SS18L1: variants seen among roughly 807,000 people sequenced by gnomAD.
The protein encoded by SS18L1 is calcium-responsive transactivator.
SS18L1 carries 32 observed loss-of-function variants against 70.3 expected under a neutral mutation model. The ratio of observed to expected loss-of-function variants is 0.46; its 90% confidence interval spans 0.34 to 0.61. SS18L1 has a LOEUF of 0.61. Among genes scored for constraint, SS18L1 ranks in the 20% least tolerant of loss-of-function variants. SS18L1 has a pLI of 0.01. For missense variants in SS18L1, 430 were observed against 542.1 expected (o/e 0.79, Z 2.05); for synonymous variants, 237 against 229.7 (o/e 1.03, Z -0.29).
intron 1 of SS18L1, among the ~76,000 whole-genome samples, chr20:62,157,624 A>G (rs1198622743): frequency 6.6e-6 from 1 of 152,112 alleles, no homozygotes; most frequent in East Asian, 1.9e-4. Context: ...CTGGCTGTTC[A>G]CCTGAGTCAC....
At chr20:62,157,369 A>G (rs1027432883) in intron 1 of SS18L1, among the ~76,000 whole-genome samples, 3 of 152,168 alleles carry the variant, frequency 2.0e-5, no homozygotes, top group African/African-American at 7.2e-5. Context: ...TGGGAAGGAA[A>G]CCTGGGGAAT....
In SS18L1 at chr20:62,159,962, G is replaced by A. The variant is rs1393458958; in HGVS notation, c.231+1G>A. 3 of 1,610,682 alleles carry A rather than the reference G, an allele frequency of 1.9e-6. No individual in the cohort carries two copies. The highest frequency in any genetic ancestry group is 2.5e-6 in the Non-Finnish European group (3 of 1,179,352). On this transcript the variant is annotated splice_donor_variant, in intron 3 of 10. Transcript: ENST00000331758. LOFTEE classifies it high-confidence loss of function. The surrounding 1 kb of genome is among the most constrained non-coding windows in gnomAD (Gnocchi z 4.4). ...GAACATGCAGTCCCTGCTTCCTGCC[G>A]TGAGTACCCACGGGGGGTTGGCCTC...
At chr20:62,143,958 G>T in intron 1 of SS18L1, 69 bp downstream of exon 1, 1 of 936,362 alleles carries the variant, frequency 1.1e-6, no homozygotes, top group South Asian at 4.7e-5. Context: ...GACGGGGCGC[G>T]GGCAGCTGGC....
chr20:62,153,976 C>G (rs1390488288), intron 1 of SS18L1, among the ~76,000 whole-genome samples: 1 of 152,238 alleles, frequency 6.6e-6, no homozygotes, highest in African/African-American at 2.4e-5. Context: ...CTCCCCTCTT[C>G]TGTCCTGTGG....
intron 8 of SS18L1, among the ~76,000 whole-genome samples, chr20:62,170,869 C>T (rs67625704): frequency 0.14 from 20,816 of 152,024 alleles, 1,751 homozygotes; most frequent in South Asian, 0.24. Context: ...AAAGCTGGCC[C>T]GTTTCCTACA....
In SS18L1 at chr20:62,158,829, C is replaced by T; in HGVS notation, c.146+81C>T. On this transcript the variant is annotated intron_variant, in intron 2 of 10. Transcript: ENST00000331758. The surrounding 1 kb of genome is among the most constrained non-coding windows in gnomAD (Gnocchi z 4.5). ...CAGAGGCCAGATACGTCCCAAGAGT[C>T]CCCCAGCACAGAGATCAGATAAGTC... The T allele has an allele frequency of 3.1e-6, 5 of 1,611,196 alleles. No homozygotes were observed. Among genetic ancestry groups the T allele is most frequent in the Non-Finnish European group, 4.2e-6 (5 of 1,179,090 alleles).
intron 10 of SS18L1, among the ~76,000 whole-genome samples, chr20:62,176,800 AAAG>A (rs781651686): frequency 2.0e-5 from 3 of 152,058 alleles, no homozygotes; most frequent in Non-Finnish European, 2.9e-5. Context: ...ATCTCAAAAA[AAAG>A]AAAAAGACAC....
At chr20:62,144,348 C>T (rs181251419) in intron 1 of SS18L1, among the ~76,000 whole-genome samples, 2 of 152,340 alleles carry the variant, frequency 1.3e-5, no homozygotes. Flanking sequence ...GTTTTCTGCG[C>T]TCATTTTGGT....
In SS18L1 at chr20:62,144,832, G is replaced by T. The variant is rs180846651; in HGVS notation, c.69+943G>T. On this transcript the variant is annotated intron_variant, in intron 1 of 10. Transcript: ENST00000331758. ...CACAACATCTGTTGGAATGACATTG[G>T]TTTTTTTTCCTAAACTCTGACTCCG... 2.9e-3 allele frequency among the ~76,000 whole-genome samples: 436 copies of T among 152,224 alleles called. 3 individuals carry two copies. The highest frequency in any genetic ancestry group is 9.9e-3 in the African/African-American group (412 of 41,516).
chr20:62,146,241 C>T (rs926104431), intron 1 of SS18L1, among the ~76,000 whole-genome samples: 51 of 152,344 alleles, frequency 3.3e-4, no homozygotes, highest in African/African-American at 1.2e-3. Flanking sequence ...TCATGTGGCC[C>T]TTGTAGCACT....
chr20:62,179,426 T>C lies in SS18L1; in HGVS notation c.*218T>C. The C allele has an allele frequency of 1.7e-6, 1 of 596,326 alleles. No homozygotes were observed. Among genetic ancestry groups the C allele is most frequent in the Admixed American group, 3.0e-5 (1 of 33,712 alleles). The allele number at this position is 596,326 out of a possible 1,614,324, so 36.9% of individuals were successfully genotyped here. ...GGTGTGATACTTTTGGTGCTGTGTA[T>C]AGTATTGTATGTCGGTACACGGAGA... On this transcript the variant is annotated 3_prime_UTR_variant, in exon 11 of 11. Transcript: ENST00000331758.
At chr20:62,156,537 A>G (rs2057227403) in intron 1 of SS18L1, among the ~76,000 whole-genome samples, 1 of 152,208 alleles carries the variant, frequency 6.6e-6, no homozygotes, top group African/African-American at 2.4e-5. Flanking sequence ...GAAAAAATAG[A>G]GCAGGAGAAA....
At chr20:62,165,002 A>G (rs2057401279) in intron 7 of SS18L1, among the ~76,000 whole-genome samples, 1 of 152,254 alleles carries the variant, frequency 6.6e-6, no homozygotes, top group Admixed American at 6.5e-5. Flanking sequence ...GCAGGTGCAC[A>G]GACAGGTGGG....
chr20:62,166,849 C>T (rs1301297406), intron 8 of SS18L1, among the ~76,000 whole-genome samples: 6 of 150,382 alleles, frequency 4.0e-5, no homozygotes, highest in East Asian at 4.0e-4. Flanking sequence ...TGCTTGAACC[C>T]GGGAGGTGTA....
At chr20:62,172,925 G>A (rs2057558455) in intron 9 of SS18L1, 124 bp downstream of exon 9, 7 of 1,522,560 alleles carry the variant, frequency 4.6e-6, no homozygotes, top group Non-Finnish European at 6.2e-6. Flanking sequence ...TACGGTAAGA[G>A]GCGAGCACGC....
intron 1 of SS18L1, chr20:62,154,577 C>T (rs746697800): frequency 3.0e-6 from 3 of 1,000,680 alleles, no homozygotes; most frequent in Middle Eastern, 4.8e-4. Flanking sequence ...GTATGGGACA[C>T]AGCTCCTCCG....
intron 1 of SS18L1, among the ~76,000 whole-genome samples, chr20:62,144,164 C>T (rs2056976963): frequency 6.6e-6 from 1 of 151,254 alleles, no homozygotes; most frequent in Non-Finnish European, 1.5e-5. Flanking sequence ...CGGTGGGGGC[C>T]GGGCGGACGC....
intron 8 of SS18L1, among the ~76,000 whole-genome samples, chr20:62,169,956 G>A (rs1237944591): frequency 6.6e-6 from 1 of 152,242 alleles, no homozygotes; most frequent in African/African-American, 2.4e-5. Flanking sequence ...ACAGGGTGGT[G>A]TGGCCGGGGC....
chr20:62,170,810 TCTGAG>T (rs1172755150), intron 8 of SS18L1, among the ~76,000 whole-genome samples: 4 of 152,142 alleles, frequency 2.6e-5, no homozygotes, highest in African/African-American at 9.7e-5. Context: ...GGCTGGGTGT[TCTGAG>T]CTGGCACTCT....
Sources: gnomAD v4.1 joint callset for allele counts (sites outside exome capture counted in the v4.1 genomes callset) on GRCh38, gnomAD v4.1.1 for gene constraint, Gnocchi (gnomAD v3.1) non-coding constraint, MANE v1.5 for transcripts, NCBI Gene and HGNC (gene_info 2026-07-23, HGNC 2026-07-21) for gene names.